The following NFATC1 variants were observed in gnomAD, a reference collection of about 807,000 sequenced individuals.
NFATC1 encodes the protein nuclear factor of activated T cells 1, also known as nuclear factor of activated T-cells, cytoplasmic 1.
A neutral mutation model predicts 76.0 loss-of-function variants in NFATC1; 22 were observed. That is an observed-to-expected ratio of 0.29 (90% CI 0.21 to 0.41). The LOEUF (loss-of-function observed/expected upper bound fraction) is 0.41. NFATC1 is among the 10% of genes least tolerant of loss of function. The probability of loss-of-function intolerance (pLI) is 1.00; values close to 1 mark genes in which losing one functional copy is unlikely to be tolerated. For synonymous variants in NFATC1, 704 were observed against 613.1 expected, an observed-to-expected ratio of 1.15 and a Z score of -2.19; for missense variants, 1,357 against 1,337.7, an observed-to-expected ratio of 1.01 and a Z score of -0.23.
chr18:79,426,925 A>G (rs2086357668), intron 2 of NFATC1, among the ~76,000 whole-genome samples: 1 of 152,216 alleles, frequency 6.6e-6, no homozygotes. Context: ...CTCCAGACTC[A>G]TCAGGGAAGC....
intron 8 of NFATC1, among the ~76,000 whole-genome samples, chr18:79,482,030 T>C (rs1281332728): frequency 2.9e-5 from 4 of 137,562 alleles, no homozygotes; most frequent in African/African-American, 1.1e-4. Flanking sequence ...GTTCCTGGGG[T>C]GTCATTCCAG....
intron 9 of NFATC1, among the ~76,000 whole-genome samples, chr18:79,516,498 G>A (rs988810986): frequency 3.9e-5 from 6 of 152,144 alleles, no homozygotes; most frequent in East Asian, 1.9e-4. Context: ...GTGGCTCCTC[G>A]ACTGTGGAGT....
intron 2 of NFATC1, among the ~76,000 whole-genome samples, chr18:79,426,831 A>G (rs2086354138): frequency 6.6e-6 from 1 of 152,156 alleles, no homozygotes; most frequent in Admixed American, 6.5e-5. Context: ...GCTGCCCCAT[A>G]GCAGCCACCA....
At chr18:79,456,863 G>A (rs2144824610) in intron 6 of NFATC1, among the ~76,000 whole-genome samples, 1 of 152,332 alleles carries the variant, frequency 6.6e-6, no homozygotes, top group South Asian at 2.1e-4. Context: ...ACACAGCTGG[G>A]AATTCCCAGC....
intron 3 of NFATC1, among the ~76,000 whole-genome samples, chr18:79,438,331 G>A (rs7230704): frequency 0.24 from 36,354 of 152,130 alleles, 4,515 homozygotes; most frequent in African/African-American, 0.31. Context: ...GGAGGTGGCC[G>A]GGAAGGGCCC....
chr18:79,479,582 G>C (rs1393629871), intron 8 of NFATC1, among the ~76,000 whole-genome samples: 2 of 152,256 alleles, frequency 1.3e-5, no homozygotes, highest in East Asian at 3.8e-4. Flanking sequence ...AAGCAGCCGT[G>C]TGGCTTTCCT....
chr18:79,403,794 C>A (rs2085344764), intron 1 of NFATC1, among the ~76,000 whole-genome samples: 1 of 152,236 alleles, frequency 6.6e-6, no homozygotes, highest in African/African-American at 2.4e-5. Context: ...TCCATTTTCA[C>A]CAAATAGGAT....
chr18:79,457,390 G>A (rs539082318), intron 6 of NFATC1, among the ~76,000 whole-genome samples: 1 of 152,260 alleles, frequency 6.6e-6, no homozygotes, highest in South Asian at 2.1e-4. Flanking sequence ...GACTCCCCCT[G>A]CCTGGGCCCC....
chr18:79,502,258 G>A (rs2090029668), intron 9 of NFATC1, among the ~76,000 whole-genome samples: 1 of 152,212 alleles, frequency 6.6e-6, no homozygotes, highest in South Asian at 2.1e-4. Flanking sequence ...TGGAGTAAAT[G>A]ACAGCCTTTT....
At chr18:79,423,484 T>G (rs1424806831) in intron 2 of NFATC1, among the ~76,000 whole-genome samples, 2 of 152,156 alleles carry the variant, frequency 1.3e-5, no homozygotes, top group African/African-American at 4.8e-5. Flanking sequence ...GGAGGACAGA[T>G]GGGGACAGCA....
At chr18:79,406,829 G>A (rs906238901) in intron 1 of NFATC1, among the ~76,000 whole-genome samples, 21 of 152,180 alleles carry the variant, frequency 1.4e-4, no homozygotes, top group Non-Finnish European at 2.5e-4. Context: ...TGCTTCCCCC[G>A]AGACCCCCAG....
rs2085103122 is a variant in NFATC1, at chr18:79,399,281, G to A, written c.127+2930G>A. Among the ~76,000 whole-genome samples the A allele has an allele frequency of 2.0e-5, 3 of 152,394 alleles. No individual in the cohort carries two copies. The South Asian group carries it at 6.2e-4, about 32-fold the overall frequency. ...CTGGAGAAAACCAGCCAGTGAAAGGGTCGCGGGAGAAGCCCGGGGACGACC... is the reference window on the plus strand; with the variant it reads ...CTGGAGAAAACCAGCCAGTGAAAGGATCGCGGGAGAAGCCCGGGGACGACC... On this transcript the variant is annotated intron_variant, in intron 1 of 9. Transcript: ENST00000427363.
At chr18:79,458,833 G>T (rs1261156270) in intron 6 of NFATC1, among the ~76,000 whole-genome samples, 1 of 152,268 alleles carries the variant, frequency 6.6e-6, no homozygotes, top group South Asian at 2.1e-4. Context: ...TTCCTGAGAT[G>T]CGAGGTTATT....
At position 79,527,699 on chromosome 18, in the gene NFATC1, G is replaced by A; in HGVS notation, c.*122G>A. 2.3e-6 allele frequency: 2 copies of A among 858,114 alleles called. No individual in the cohort carries two copies. Among genetic ancestry groups the A allele is most frequent in the Non-Finnish European group, 3.8e-6 (2 of 522,990 alleles). 53.2% of individuals were successfully genotyped at this position (858,114 alleles called of 1,614,324 possible). A position where few individuals can be genotyped will look rare whatever the true frequency, so the allele number is the denominator to read the frequency against. On this transcript the variant is annotated 3_prime_UTR_variant, in exon 10 of 10. Coordinates refer to ENST00000427363, the MANE Select transcript of NFATC1 (RefSeq NM_001278669.2). The stretch of plus-strand genomic sequence containing the variant: ...AGAACCTCCAACTGACTGAATGCCA[G>A]GAGCTGAACATTAATATGTGCAAAG...
In NFATC1 at chr18:79,529,176, T is replaced by G. The variant is rs1439674956; in HGVS notation, c.*1599T>G. On this transcript the variant is annotated 3_prime_UTR_variant, in exon 10 of 10. Coordinates refer to ENST00000427363, the MANE Select transcript of NFATC1 (RefSeq NM_001278669.2). ...TGAAGACGTGTGGCCGCGTCCCACC[T>G]GCGGCTGGGTACCCTGCACCCGGCA... is the stretch of plus-strand genomic sequence containing the variant. The G allele has an allele frequency of 1.3e-5, 2 of 152,256 alleles. No homozygotes were observed. The highest frequency in any genetic ancestry group is 4.8e-5 in the African/African-American group (2 of 41,470). 9.4% of individuals were successfully genotyped at this position (152,256 alleles called of 1,614,324 possible).
At chr18:79,424,216 C>T (rs1185538835) in intron 2 of NFATC1, among the ~76,000 whole-genome samples, 6 of 152,246 alleles carry the variant, frequency 3.9e-5, no homozygotes, top group South Asian at 2.1e-4. Flanking sequence ...GCACTATCAC[C>T]GAGAAACGCG....
At chr18:79,495,096 C>T (rs534381583) in intron 9 of NFATC1, among the ~76,000 whole-genome samples, 3 of 152,362 alleles carry the variant, frequency 2.0e-5, no homozygotes, top group East Asian at 1.9e-4. Context: ...GGCACTGAGA[C>T]GGGTGCTGAA....
At chr18:79,520,648 C>CG (rs1293305306) in intron 9 of NFATC1, among the ~76,000 whole-genome samples, 2 of 11,572 alleles carry the variant, frequency 1.7e-4, no homozygotes, top group Non-Finnish European at 1.4e-4. Flanking sequence ...GTCTGTGTGT[C>CG]GGGGGGGGCA....
At position 79,464,668 on chromosome 18, in the gene NFATC1, G is replaced by GTGTGTGTGTACGTATATATATACACACA. The variant is rs1353196873; in HGVS notation, c.1960-2779_1960-2778insGTGTGTACGTATATATATACACACATGT. 9.8e-4 allele frequency among the ~76,000 whole-genome samples: 116 copies of GTGTGTGTGTACGTATATATATACACACA among 117,842 alleles called. 20 individuals carry two copies. Among genetic ancestry groups the GTGTGTGTGTACGTATATATATACACACA allele is most frequent in the Admixed American group, 1.9e-3 (22 of 11,864 alleles). The allele number at this position is 117,842 out of a possible 152,430, so 77.3% of individuals were successfully genotyped here. The stretch of plus-strand genomic sequence containing the variant: ...TGTGTTTGTGTGTGTGTGTGTGTGT[G>GTGTGTGTGTACGTATATATATACACACA]TGTATATGTATGTGTATATATATAT... On this transcript the variant is annotated intron_variant, in intron 7 of 9. Coordinates refer to ENST00000427363, the MANE Select transcript of NFATC1 (RefSeq NM_001278669.2).
Sources: gnomAD v4.1 joint callset for allele counts (sites outside exome capture counted in the v4.1 genomes callset) on GRCh38, gnomAD v4.1.1 for gene constraint, MANE v1.5 for transcripts, NCBI Gene and HGNC (gene_info 2026-07-23, HGNC 2026-07-21) for gene names.